The following SLC24A2 variants were observed in gnomAD, a reference collection of about 807,000 sequenced individuals.
SLC24A2 encodes solute carrier family 24 member 2.
Under a neutral mutation model 62.0 loss-of-function variants are expected in SLC24A2, and 36 were observed. The ratio of observed to expected loss-of-function variants is 0.58; its 90% CI spans 0.44 to 0.77. The LOEUF (loss-of-function observed/expected upper bound fraction) is 0.77, where lower values mean the gene tolerates loss of function less well. Ranked by LOEUF, SLC24A2 falls within the 30% of genes least tolerant of loss-of-function variation. The probability of loss-of-function intolerance (pLI) is 0.00; values close to 1 mark genes in which losing one functional copy is unlikely to be tolerated. For missense variants in SLC24A2, 846 were observed against 817.9 expected (o/e 1.03, Z -0.42); for synonymous variants, 358 against 294.0 (o/e 1.22, Z -2.23).
chr9:19,811,373 G>C, the SLC24A2 span, among the ~76,000 whole-genome samples: 1 of 152,162 alleles, frequency 6.6e-6, no homozygotes, highest in East Asian at 1.9e-4. Flanking sequence ...AATATTTGGA[G>C]TATTTATTTC....
the SLC24A2 span, among the ~76,000 whole-genome samples, chr9:20,193,488 T>C: frequency 6.6e-6 from 1 of 151,748 alleles, no homozygotes; most frequent in African/African-American, 2.4e-5. Flanking sequence ...TTCCCTTAAA[T>C]AGAAATTATA....
At chr9:20,222,371 G>A in the SLC24A2 span, among the ~76,000 whole-genome samples, 2 of 151,938 alleles carry the variant, frequency 1.3e-5, no homozygotes, top group Non-Finnish European at 2.9e-5. Context: ...ATCAACGTAA[G>A]TATTTAAGCT....
At chr9:20,198,649 G>A in the SLC24A2 span, among the ~76,000 whole-genome samples, 4 of 151,658 alleles carry the variant, frequency 2.6e-5, no homozygotes, top group Non-Finnish European at 2.9e-5. Flanking sequence ...GGGTCCCCTC[G>A]CATCTCTCTC....
At chr9:19,820,218 T>G in the SLC24A2 span, among the ~76,000 whole-genome samples, 1 of 149,746 alleles carries the variant, frequency 6.7e-6, no homozygotes, top group Non-Finnish European at 1.5e-5. Flanking sequence ...CTCACTGATA[T>G]GTGGAAAGCT....
chr9:19,966,158 G>C, the SLC24A2 span, among the ~76,000 whole-genome samples: 1 of 152,094 alleles, frequency 6.6e-6, no homozygotes, highest in Non-Finnish European at 1.5e-5. Context: ...AAATACTTAA[G>C]CGTCCATATA....
At chr9:19,580,623 A>G (rs908464901) in intron 5 of SLC24A2, among the ~76,000 whole-genome samples, 1 of 152,248 alleles carries the variant, frequency 6.6e-6, no homozygotes, top group African/African-American at 2.4e-5. Context: ...ACTGTGAAGA[A>G]CAGCAAACAA....
the SLC24A2 span, among the ~76,000 whole-genome samples, chr9:20,019,311 G>GAAAGAAAGAAAGAAA: frequency 6.9e-5 from 10 of 145,442 alleles, no homozygotes; most frequent in Admixed American, 2.0e-4. Flanking sequence ...AAGAAAGAAA[G>GAAAGAAAGAAAGAAA]AAAGTGAGTG....
the SLC24A2 span, among the ~76,000 whole-genome samples, chr9:20,164,594 G>A: frequency 2.0e-4 from 30 of 151,150 alleles, no homozygotes; most frequent in Non-Finnish European, 2.7e-4. Flanking sequence ...CAGGGATCTA[G>A]AACTAGAAAT....
chr9:20,300,804 T>A, the SLC24A2 span, among the ~76,000 whole-genome samples: 2 of 152,216 alleles, frequency 1.3e-5, no homozygotes, highest in African/African-American at 4.8e-5. Context: ...GACCATGTCT[T>A]AGGGGCAATG....
chr9:19,522,422 G>T (rs1461714359), intron 9 of SLC24A2, among the ~76,000 whole-genome samples: 1 of 151,944 alleles, frequency 6.6e-6, no homozygotes, highest in East Asian at 1.9e-4. Context: ...AGCATTTTTT[G>T]AAAAAATTTA....
chr9:20,011,627 C>T, the SLC24A2 span, among the ~76,000 whole-genome samples: 3 of 151,950 alleles, frequency 2.0e-5, no homozygotes, highest in Admixed American at 6.6e-5. Context: ...AGAAAAGGGC[C>T]TAGAAAGCAT....
At position 19,516,114 on chromosome 9, in the gene SLC24A2, G is replaced by A; in HGVS notation, c.*39C>T. The A allele has an allele frequency of 6.2e-7, 1 of 1,613,148 alleles. No homozygotes were observed. The highest frequency in any genetic ancestry group is 8.5e-7 in the Non-Finnish European group (1 of 1,179,446). On this transcript the variant is annotated 3_prime_UTR_variant, in exon 11 of 11. Coordinates refer to ENST00000341998, the MANE Select transcript of SLC24A2 (RefSeq NM_020344.4). ...GAGCCCAGAGCCCAGAGTGTGGAGG[G>A]ACCATTCATGCTGCTGGTGCAAGAT...
At chr9:19,550,929 G>A (rs1435084776) in intron 7 of SLC24A2, among the ~76,000 whole-genome samples, 1 of 152,034 alleles carries the variant, frequency 6.6e-6, no homozygotes, top group African/African-American at 2.4e-5. Flanking sequence ...TCAAGTCAGG[G>A]TATTTGGGGC....
At chr9:19,972,411 G>A in the SLC24A2 span, among the ~76,000 whole-genome samples, 1 of 152,270 alleles carries the variant, frequency 6.6e-6, no homozygotes, top group East Asian at 1.9e-4. Context: ...ACTTCCTTAT[G>A]TTTTGTATGT....
At chr9:19,738,887 G>C (rs1821589779) in intron 2 of SLC24A2, among the ~76,000 whole-genome samples, 1 of 152,164 alleles carries the variant, frequency 6.6e-6, no homozygotes, top group Admixed American at 6.5e-5. Flanking sequence ...GGGAGGCTGA[G>C]GCGGGCAGAT....
At chr9:19,978,753 G>C in the SLC24A2 span, among the ~76,000 whole-genome samples, 1 of 152,098 alleles carries the variant, frequency 6.6e-6, no homozygotes, top group African/African-American at 2.4e-5. Flanking sequence ...GCAGAATTGA[G>C]GTGATTGAAG....
chr9:19,524,744 C>T (rs980189382), intron 9 of SLC24A2, among the ~76,000 whole-genome samples: 5 of 152,052 alleles, frequency 3.3e-5, no homozygotes, highest in Non-Finnish European at 5.9e-5. Flanking sequence ...TTCGTCTTGG[C>T]TTTTTAAAAT....
At chr9:20,206,480 T>C in the SLC24A2 span, among the ~76,000 whole-genome samples, 8 of 152,004 alleles carry the variant, frequency 5.3e-5, no homozygotes, top group Non-Finnish European at 1.2e-4. Flanking sequence ...ACATAATTGG[T>C]TTATTATTAT....
the SLC24A2 span, among the ~76,000 whole-genome samples, chr9:20,263,706 G>A: frequency 6.6e-6 from 1 of 152,250 alleles, no homozygotes; most frequent in African/African-American, 2.4e-5. Context: ...AGCACTAGTA[G>A]CTAGCACTAA....
Sources: allele counts gnomAD v4.1 joint callset (sites outside exome capture counted in the v4.1 genomes callset), GRCh38; gene constraint gnomAD v4.1.1; transcripts MANE v1.5; gene names NCBI Gene and HGNC (gene_info 2026-07-23, HGNC 2026-07-21).